TAFA2: variants seen among roughly 807,000 people sequenced by gnomAD.
The protein encoded by TAFA2 is chemokine-like protein TAFA-2.
TAFA2 carries 7 observed loss-of-function variants against 18.8 expected under a neutral mutation model. That is an observed-to-expected ratio of 0.37 (90% confidence interval 0.21 to 0.70). The LOEUF is 0.70. Among genes scored for constraint, TAFA2 ranks in the 30% least tolerant of loss-of-function variants. The pLI, the probability that TAFA2 is intolerant of heterozygous loss-of-function variation, is 0.53. For missense variants in TAFA2, 122 were observed against 158.1 expected, an observed-to-expected ratio of 0.77 and a Z score of 1.23; for synonymous variants, 60 against 54.2, an observed-to-expected ratio of 1.11 and a Z score of -0.47.
intron 1 of TAFA2, among the ~76,000 whole-genome samples, chr12:61,998,504 A>G (rs997722502): frequency 4.6e-5 from 7 of 152,180 alleles, no homozygotes; most frequent in Non-Finnish European, 7.3e-5. Flanking sequence ...TTAAAGGCCA[A>G]CATTTCTAAC....
At chr12:62,136,429 T>C (rs1364121235) in intron 1 of TAFA2, among the ~76,000 whole-genome samples, 1 of 152,166 alleles carries the variant, frequency 6.6e-6, no homozygotes, top group Non-Finnish European at 1.5e-5. Context: ...TTTTTCCCTC[T>C]ATGAAACTAT....
In TAFA2 at chr12:62,064,043, C is replaced by T. The variant is rs547247582; in HGVS notation, c.-2+127216G>A. On this transcript the variant is annotated intron_variant, in intron 1 of 4. Transcript: ENST00000416284. Reference sequence around the variant, plus strand: ...TTAATATATATTAATACATTGCTTACGAGAGCTGTGTAATTTATGTGTCAT... The same window carrying T: ...TTAATATATATTAATACATTGCTTATGAGAGCTGTGTAATTTATGTGTCAT... Among the ~76,000 whole-genome samples, 60 of 152,076 alleles carry T rather than the reference C, an allele frequency of 3.9e-4. 1 individual carries two copies. The highest frequency in any genetic ancestry group is 3.9e-4 in the African/African-American group (16 of 41,490).
At chr12:62,153,040 A>G (rs76579267) in intron 1 of TAFA2, among the ~76,000 whole-genome samples, 8,453 of 152,268 alleles carry the variant, frequency 0.056, 323 homozygotes, top group South Asian at 0.1. Flanking sequence ...CATAAAAAAG[A>G]CATTCAATAA....
chr12:61,909,156 A>G (rs768890149), intron 1 of TAFA2, among the ~76,000 whole-genome samples: 1 of 152,210 alleles, frequency 6.6e-6, no homozygotes, highest in Non-Finnish European at 1.5e-5. Flanking sequence ...ACAAATTCAT[A>G]AACTATAACA....
chr12:62,032,020 A>G (rs1456361724), intron 1 of TAFA2, among the ~76,000 whole-genome samples: 1 of 152,188 alleles, frequency 6.6e-6, no homozygotes, highest in African/African-American at 2.4e-5. Flanking sequence ...TCCTATTATC[A>G]GACTGGGGAA....
At chr12:61,850,384 CAT>C (rs1034167398) in intron 2 of TAFA2, among the ~76,000 whole-genome samples, 2 of 151,578 alleles carry the variant, frequency 1.3e-5, no homozygotes. Flanking sequence ...TATTATCTAA[CAT>C]ATTATTATCC....
intron 2 of TAFA2, among the ~76,000 whole-genome samples, chr12:61,781,191 C>T (rs1475985197): frequency 6.6e-6 from 1 of 151,632 alleles, no homozygotes; most frequent in African/African-American, 2.4e-5. Flanking sequence ...TTGTAAGATC[C>T]CTTCCTATTT....
chr12:62,093,253 C>T (rs982148930), intron 1 of TAFA2, among the ~76,000 whole-genome samples: 2 of 151,830 alleles, frequency 1.3e-5, no homozygotes, highest in Admixed American at 1.3e-4. Context: ...ACATATAGAA[C>T]CATTTTCAGG....
intron 1 of TAFA2, among the ~76,000 whole-genome samples, chr12:62,131,190 CA>C (rs1226067034): frequency 6.6e-6 from 1 of 151,792 alleles, no homozygotes; most frequent in Non-Finnish European, 1.5e-5. Context: ...GGCACAAAAG[CA>C]AAATGTCAGA....
Position 61,886,735 on chromosome 12 carries a change from T to C in TAFA2, c.-1-19309A>G, listed in dbSNP as rs191543547. Among the ~76,000 whole-genome samples the C allele has an allele frequency of 5.3e-5, 8 of 152,352 alleles. No homozygotes were observed. In the East Asian group the frequency reaches 1.5e-3, roughly 29 times the overall value. Reference sequence around the variant, plus strand: ...GGATTGGTTTTTGACTTTTGTTGTCTTATACTGTTACCTCTTACAGGCACT... The same window carrying C: ...GGATTGGTTTTTGACTTTTGTTGTCCTATACTGTTACCTCTTACAGGCACT... On this transcript the variant is annotated intron_variant, in intron 1 of 4. Coordinates refer to ENST00000416284, the MANE Select transcript of TAFA2 (RefSeq NM_178539.5).
At chr12:62,219,770 T>A (rs183920747) in intron 1 of TAFA2, among the ~76,000 whole-genome samples, 19 of 152,270 alleles carry the variant, frequency 1.2e-4, no homozygotes, top group Non-Finnish European at 1.8e-4. Context: ...TATAACTATA[T>A]CTGCAAGTGT....
At chr12:62,035,733 CTTTTTTTTTTTT>C (rs34859628) in intron 1 of TAFA2, among the ~76,000 whole-genome samples, 1 of 60,228 alleles carries the variant, frequency 1.7e-5, no homozygotes, top group Non-Finnish European at 2.9e-5. Flanking sequence ...ATGATTCTTT[CTTTTTTTTTTTT>C]TTTTTTTTTT....
At chr12:61,844,500 A>C (rs533406301) in intron 2 of TAFA2, among the ~76,000 whole-genome samples, 1 of 152,246 alleles carries the variant, frequency 6.6e-6, no homozygotes, top group East Asian at 1.9e-4. Flanking sequence ...TACAGAAATT[A>C]ATATTGCCAA....
At chr12:62,084,798 A>G (rs1219491048) in intron 1 of TAFA2, among the ~76,000 whole-genome samples, 1 of 152,192 alleles carries the variant, frequency 6.6e-6, no homozygotes, top group Non-Finnish European at 1.5e-5. Context: ...CAGCAGAACT[A>G]TACTTCAGAT....
At chr12:62,234,859 G>T in intron 1 of TAFA2, 1 of 1,049,178 alleles carries the variant, frequency 9.5e-7, no homozygotes, top group Non-Finnish European at 1.5e-6. Flanking sequence ...AACCAGCAAT[G>T]ACTGGGACTC....
In TAFA2 at chr12:62,232,025, C is replaced by T. The variant is rs1420259138; in HGVS notation, c.-130+26738G>A. On this transcript the variant is annotated intron_variant, in intron 1 of 5. Coordinates refer to the TAFA2 transcript ENST00000551619. ...GTATTTTTATTAGTTTTCTTTTTTT[C>T]CTTTTTTCTTTGACCTTCCCAATGT... is the stretch of plus-strand genomic sequence containing the variant. 4.6e-5 allele frequency among the ~76,000 whole-genome samples: 7 copies of T among 151,992 alleles called. No individual in the cohort carries two copies. In the East Asian group the frequency reaches 1.2e-3, roughly 25 times the overall value.
At chr12:61,818,527 T>A (rs201180851) in intron 2 of TAFA2, among the ~76,000 whole-genome samples, 65 of 120,798 alleles carry the variant, frequency 5.4e-4, no homozygotes, top group Middle Eastern at 4.6e-3. Flanking sequence ...ACACACACAC[T>A]AGGATCCTTC....
At chr12:61,785,319 T>TTGTGTGTGTGTGTGTGTGTGTGTGTG (rs57166010) in intron 2 of TAFA2, among the ~76,000 whole-genome samples, 2 of 140,084 alleles carry the variant, frequency 1.4e-5, no homozygotes, top group Admixed American at 7.2e-5. Flanking sequence ...AATAGTATTC[T>TTGTGTGTGTGTGTGTGTGTGTGTGTG]TGTGTGTGTG....
rs140947544 is a variant in TAFA2, at chr12:62,088,219, T to C, written c.-2+103040A>G. Among the ~76,000 whole-genome samples, 5 of 152,198 alleles carry C rather than the reference T, an allele frequency of 3.3e-5. No individual in the cohort carries two copies. The East Asian group carries it at 9.7e-4, about 29-fold the overall frequency. On this transcript the variant is annotated intron_variant, in intron 1 of 4. Coordinates refer to ENST00000416284, the MANE Select transcript of TAFA2 (RefSeq NM_178539.5). Reference sequence around the variant, plus strand: ...CAGAACTCCACATTTGTTTTATTCATGAGTCCTTTTTGTCCATAGTCACTT... The same window carrying C: ...CAGAACTCCACATTTGTTTTATTCACGAGTCCTTTTTGTCCATAGTCACTT...
Sources: allele counts gnomAD v4.1 joint callset (sites outside exome capture counted in the v4.1 genomes callset), GRCh38; gene constraint gnomAD v4.1.1; transcripts MANE v1.5; gene names NCBI Gene and HGNC (gene_info 2026-07-23, HGNC 2026-07-21).